The following AGO3 variants were observed in gnomAD, a reference collection of about 807,000 sequenced individuals.
AGO3 encodes the protein protein argonaute-3.
A neutral mutation model predicts 105.5 loss-of-function variants in AGO3; 16 were observed. The observed-to-expected ratio is 0.15, with a 90% CI of 0.10 to 0.23. The LOEUF is 0.23. Ranked by LOEUF, AGO3 falls within the 10% of genes least tolerant of loss-of-function variation. AGO3 has a pLI of 1.00. For synonymous variants in AGO3, 340 were observed against 367.3 expected, an observed-to-expected ratio of 0.93 and a Z score of 0.85; for missense variants, 534 against 1,088.0, an observed-to-expected ratio of 0.49 and a Z score of 7.16.
At chr1:35,993,682 A>G (rs546259562) in intron 5 of AGO3, among the ~76,000 whole-genome samples, 8 of 151,224 alleles carry the variant, frequency 5.3e-5, no homozygotes, top group Non-Finnish European at 7.4e-5. Flanking sequence ...AATAACATCA[A>G]TCTTTCACAA....
intron 2 of AGO3, among the ~76,000 whole-genome samples, chr1:35,966,087 A>G (rs1472757265): frequency 6.6e-6 from 1 of 152,200 alleles, no homozygotes; most frequent in Admixed American, 6.5e-5. Context: ...GGCCTCCCAA[A>G]GTGCTGGGAT....
rs549345410 is a variant in AGO3, at chr1:36,039,488, G to A, written c.1843-302G>A. Among the ~76,000 whole-genome samples, 9 of 115,192 alleles carry A rather than the reference G, an allele frequency of 7.8e-5. No homozygotes were observed. In the East Asian group the frequency reaches 1.6e-3, roughly 20 times the overall value. The allele number at this position is 115,192 out of a possible 152,430, so 75.6% of individuals were successfully genotyped here. A position where few individuals can be genotyped will look rare whatever the true frequency, so the allele number is the denominator to read the frequency against. On this transcript the variant is annotated intron_variant, in intron 14 of 18. Coordinates refer to ENST00000373191, the MANE Select transcript of AGO3 (RefSeq NM_024852.4). ...CAGGCTGATGACAGAGCAAGACTGC[G>A]TCTCAAAAAAAAAAAAAAAAAAAAA...
chr1:36,048,029 A>G (rs1285530094), intron 17 of AGO3, among the ~76,000 whole-genome samples: 1 of 152,216 alleles, frequency 6.6e-6, no homozygotes, highest in Non-Finnish European at 1.5e-5. Context: ...AGTCAAGGAC[A>G]GACAGAATTC....
chr1:36,055,089 T>C lies in AGO3; in HGVS notation c.2418T>C (p.Tyr806=). The C allele has an allele frequency of 6.2e-7, 1 of 1,613,884 alleles. No homozygotes were observed. Among genetic ancestry groups the C allele is most frequent in the Non-Finnish European group, 8.5e-7 (1 of 1,179,884 alleles). The change falls in exon 18 of 19, where the codon TAT becomes TAC. Residue 806 remains tyrosine, a synonymous_variant. Transcript: ENST00000373191. The surrounding 1 kb of genome is among the most constrained non-coding windows in gnomAD (Gnocchi z 4.4). ...RSVSIPAPAY[Y]AHLVAFRARY... ...TTTCTATACCTGCACCAGCGTATTA[T>C]GCTCACCTGGTAGCATTTAGAGCCA...
intron 11 of AGO3, among the ~76,000 whole-genome samples, chr1:36,024,752 C>T (rs769168989): frequency 2.6e-5 from 4 of 152,090 alleles, no homozygotes; most frequent in Admixed American, 1.3e-4. Flanking sequence ...GGCGTGATCT[C>T]GGCTCACTGC....
Position 36,060,863 on chromosome 1 carries a change from C to T in AGO3, c.*5118C>T, listed in dbSNP as rs1643018572. On this transcript the variant is annotated 3_prime_UTR_variant, in exon 19 of 19. Coordinates refer to ENST00000373191, the MANE Select transcript of AGO3 (RefSeq NM_024852.4). The stretch of plus-strand genomic sequence containing the variant: ...AGAATTCATAAATGTCTTAAAGCTT[C>T]AGTAAGAATTGTTGGGAGGTTTGAC... 6.6e-6 allele frequency: 1 copy of T among 152,126 alleles called. No homozygotes were observed. The highest frequency in any genetic ancestry group is 2.1e-4 in the South Asian group (1 of 4,830). The allele number at this position is 152,126 out of a possible 1,614,324, so 9.4% of individuals were successfully genotyped here.
chr1:36,009,678 T>C (rs1306929638), intron 9 of AGO3, 84 bp downstream of exon 9: 1 of 1,349,922 alleles, frequency 7.4e-7, no homozygotes, highest in Non-Finnish European at 1.0e-6. Flanking sequence ...TATCAACCCA[T>C]ACCTTATGAC....
intron 11 of AGO3, among the ~76,000 whole-genome samples, chr1:36,025,676 T>TA (rs1038631625): frequency 1.8e-4 from 28 of 152,170 alleles, no homozygotes; most frequent in Non-Finnish European, 2.8e-4. Context: ...TCAATTGTTT[T>TA]AAAAAACCAG....
At chr1:35,971,377 T>C (rs1355630373) in intron 3 of AGO3, among the ~76,000 whole-genome samples, 1 of 151,504 alleles carries the variant, frequency 6.6e-6, no homozygotes, top group African/African-American at 2.4e-5. Flanking sequence ...CAAGCTGGTC[T>C]TGAACTCCTG....
intron 5 of AGO3, 57 bp downstream of exon 5, chr1:35,973,568 T>C (rs1646905184): frequency 1.5e-6 from 2 of 1,363,782 alleles, no homozygotes; most frequent in African/African-American, 3.0e-5. Flanking sequence ...ATGATGTGTG[T>C]ACATAAATTT....
At position 36,066,452 on chromosome 1, in the gene AGO3, C is replaced by T. The variant is rs534630417; in HGVS notation, c.*10707C>T. On this transcript the variant is annotated 3_prime_UTR_variant, in exon 19 of 19. Transcript: ENST00000373191. ...GTGGGCGCCTGTAATCCCAGCTACT[C>T]GGGAGGCTGAGGCGAGAGAATCGTT... 3 of 152,108 alleles carry T rather than the reference C, an allele frequency of 2.0e-5. No individual in the cohort carries two copies. The highest frequency in any genetic ancestry group is 7.2e-5 in the African/African-American group (3 of 41,478). The allele number at this position is 152,108 out of a possible 1,614,324, so 9.4% of individuals were successfully genotyped here. A position where few individuals can be genotyped will look rare whatever the true frequency, so the allele number is the denominator to read the frequency against.
At chr1:36,046,144 C>T (rs1642460335) in intron 17 of AGO3, among the ~76,000 whole-genome samples, 1 of 152,170 alleles carries the variant, frequency 6.6e-6, no homozygotes, top group African/African-American at 2.4e-5. Context: ...GCCTGGAGTC[C>T]ACATAAGTGT....
intron 16 of AGO3, among the ~76,000 whole-genome samples, chr1:36,040,723 G>GA (rs1323366552): frequency 3.3e-5 from 5 of 151,910 alleles, no homozygotes; most frequent in African/African-American, 4.8e-5. Context: ...AAAATCTTCA[G>GA]AAAAAACAGT....
rs1233190251 is a variant in AGO3, at chr1:36,059,203, GTTGA to G, written c.*3461_*3464del. The G allele has an allele frequency of 6.6e-6, 1 of 152,060 alleles. No individual in the cohort carries two copies. The highest frequency in any genetic ancestry group is 2.4e-5 in the African/African-American group (1 of 41,434). 9.4% of individuals were successfully genotyped at this position (152,060 alleles called of 1,614,324 possible). A position where few individuals can be genotyped will look rare whatever the true frequency, so the allele number is the denominator to read the frequency against. On this transcript the variant is annotated 3_prime_UTR_variant, in exon 19 of 19. Coordinates refer to ENST00000373191, the MANE Select transcript of AGO3 (RefSeq NM_024852.4). ...CACTAGTCAGCATTGCTAGTTTAAA[GTTGA>G]TTAACTTGAAAGAGTATGTATACTA...
chr1:35,994,042 A>ATTTTTT lies in AGO3; in HGVS notation c.659-10278_659-10273dup, dbSNP rs759085356. On this transcript the variant is annotated intron_variant, in intron 5 of 18. Coordinates refer to ENST00000373191, the MANE Select transcript of AGO3 (RefSeq NM_024852.4). ...TACATGCGTGAGCCACTGCGCCCAG[A>ATTTTTT]TTTTTTTTTTTTTTTTTTTTTTTTT... Among the ~76,000 whole-genome samples the ATTTTTT allele has an allele frequency of 3.5e-4, 23 of 65,840 alleles. 4 individuals carry two copies. The highest frequency in any genetic ancestry group is 1.8e-3 in the East Asian group (3 of 1,670). 43.2% of individuals were successfully genotyped at this position (65,840 alleles called of 152,430 possible).
At position 36,027,164 on chromosome 1, in the gene AGO3, T is replaced by C. The variant is rs1569853620; in HGVS notation, c.1457T>C (p.Ile486Thr). The C allele has an allele frequency of 6.2e-7, 1 of 1,614,140 alleles. No homozygotes were observed. Among genetic ancestry groups the C allele is most frequent in the Non-Finnish European group, 8.5e-7 (1 of 1,179,992 alleles). The change falls in exon 12 of 19, where the codon ATC becomes ACC. Residue 486 changes from isoleucine to threonine, a missense_variant. By Grantham distance (89) the Ile-to-Thr change is moderately conservative. Coordinates refer to ENST00000373191, the MANE Select transcript of AGO3 (RefSeq NM_024852.4). The surrounding 1 kb of genome is among the most constrained non-coding windows in gnomAD (Gnocchi z 4.0). ...ATTTCTAAGGATGCAGGGATGCCCA[T>C]CCAGGGCCAGCCATGCTTCTGCAAA... ...RKISKDAGMPIQGQPCFCKYA... is the reference protein window; with the variant it reads ...RKISKDAGMPTQGQPCFCKYA...
At chr1:36,053,921 G>T (rs1569961468) in intron 17 of AGO3, among the ~76,000 whole-genome samples, 1 of 151,724 alleles carries the variant, frequency 6.6e-6, no homozygotes, top group Admixed American at 6.6e-5. Context: ...GCTAATTTTT[G>T]TATTTTTAGT....
At chr1:35,985,441 A>T (rs1490988243) in intron 5 of AGO3, among the ~76,000 whole-genome samples, 1 of 152,254 alleles carries the variant, frequency 6.6e-6, no homozygotes, top group African/African-American at 2.4e-5. Context: ...TGTAACAGTT[A>T]TACCACATGG....
At chr1:36,046,623 T>TTAAAA (rs1361595605) in intron 17 of AGO3, among the ~76,000 whole-genome samples, 1 of 34,450 alleles carries the variant, frequency 2.9e-5, no homozygotes, top group African/African-American at 1.0e-4. Flanking sequence ...AGTCTCTATT[T>TTAAAA]AAAAAAAAAA....
Sources: gnomAD v4.1 joint callset for allele counts (sites outside exome capture counted in the v4.1 genomes callset) on GRCh38, gnomAD v4.1.1 for gene constraint, Gnocchi (gnomAD v3.1) non-coding constraint, MANE v1.5 for transcripts, NCBI Gene and HGNC (gene_info 2026-07-23, HGNC 2026-07-21) for gene names.